The following PLXDC2 variants were observed in gnomAD, a reference collection of about 807,000 sequenced individuals.
The protein encoded by PLXDC2 is plexin domain-containing protein 2.
A neutral mutation model predicts 68.9 loss-of-function variants in PLXDC2; 40 were observed. That is an observed-to-expected ratio of 0.58 (90% CI 0.45 to 0.76). The LOEUF (loss-of-function observed/expected upper bound fraction) is 0.76. Ranked by LOEUF, PLXDC2 falls within the 30% of genes least tolerant of loss-of-function variation. The pLI is 0.00. For synonymous variants in PLXDC2, 243 were observed against 234.2 expected (o/e 1.04, Z -0.34); for missense variants, 644 against 661.9 (o/e 0.97, Z 0.30).
chr10:19,900,362 T>A (rs910515339), intron 1 of PLXDC2, among the ~76,000 whole-genome samples: 1 of 152,130 alleles, frequency 6.6e-6, no homozygotes, highest in African/African-American at 2.4e-5. Flanking sequence ...GTTCTGAACT[T>A]CTTGAAGACT....
At chr10:20,244,489 A>G (rs1358556919) in intron 12 of PLXDC2, among the ~76,000 whole-genome samples, 1 of 152,222 alleles carries the variant, frequency 6.6e-6, no homozygotes, top group Non-Finnish European at 1.5e-5. Flanking sequence ...TTAGTGATCA[A>G]AACTATTTGA....
intron 1 of PLXDC2, among the ~76,000 whole-genome samples, chr10:19,896,050 C>T (rs557184551): frequency 6.6e-6 from 1 of 152,200 alleles, no homozygotes; most frequent in Non-Finnish European, 1.5e-5. Context: ...CTTTCACTTT[C>T]CTTCACTCCA....
intron 1 of PLXDC2, among the ~76,000 whole-genome samples, chr10:19,857,835 TTTA>T (rs1173606833): frequency 3.3e-5 from 5 of 152,198 alleles, no homozygotes; most frequent in Admixed American, 2.0e-4. Flanking sequence ...ATTTACCCAA[TTTA>T]TAATGAATCA....
chr10:19,837,430 G>A (rs11011643), intron 1 of PLXDC2, among the ~76,000 whole-genome samples: 6 of 151,676 alleles, frequency 4.0e-5, no homozygotes. Context: ...GTGTGTGTGT[G>A]TGTGTGTGTG....
At chr10:20,098,587 A>G (rs1833383158) in intron 4 of PLXDC2, among the ~76,000 whole-genome samples, 1 of 152,192 alleles carries the variant, frequency 6.6e-6, no homozygotes, top group South Asian at 2.1e-4. Flanking sequence ...ATGGGAGAGC[A>G]TGGTTAGGGC....
intron 5 of PLXDC2, among the ~76,000 whole-genome samples, chr10:20,145,867 T>A (rs984632132): frequency 3.9e-5 from 6 of 152,174 alleles, no homozygotes; most frequent in African/African-American, 1.4e-4. Context: ...GTGTGGTTTT[T>A]AACAACCTGC....
intron 12 of PLXDC2, among the ~76,000 whole-genome samples, chr10:20,244,142 A>T (rs1835557116): frequency 1.3e-5 from 2 of 152,200 alleles, no homozygotes; most frequent in South Asian, 4.1e-4. Context: ...TGTACATCTT[A>T]AAAAATTATG....
At chr10:20,069,973 T>C (rs1369364603) in intron 4 of PLXDC2, among the ~76,000 whole-genome samples, 3 of 152,210 alleles carry the variant, frequency 2.0e-5, no homozygotes, top group African/African-American at 7.2e-5. Flanking sequence ...AAAGTTTTTC[T>C]TGAGGATGTC....
chr10:19,913,606 A>G (rs1014827423), intron 1 of PLXDC2, among the ~76,000 whole-genome samples: 8 of 152,124 alleles, frequency 5.3e-5, no homozygotes, highest in African/African-American at 1.9e-4. Context: ...AATTAAGTCG[A>G]AATGTAGGGT....
intron 3 of PLXDC2, among the ~76,000 whole-genome samples, chr10:20,048,974 T>C (rs1356470939): frequency 6.6e-6 from 1 of 152,154 alleles, no homozygotes; most frequent in Non-Finnish European, 1.5e-5. Flanking sequence ...CTTGAACTTC[T>C]GGTTGTAACT....
At chr10:19,854,058 C>T (rs1837169406) in intron 1 of PLXDC2, among the ~76,000 whole-genome samples, 1 of 152,110 alleles carries the variant, frequency 6.6e-6, no homozygotes, top group Non-Finnish European at 1.5e-5. Flanking sequence ...CCCTTGACCC[C>T]CCGGGGAGAC....
intron 1 of PLXDC2, among the ~76,000 whole-genome samples, chr10:19,994,298 G>C (rs989582554): frequency 3.4e-5 from 3 of 88,440 alleles, no homozygotes; most frequent in Admixed American, 1.3e-4. Flanking sequence ...CTGACTACTT[G>C]GAAACATGAT....
chr10:19,901,553 G>T (rs1316447364), intron 1 of PLXDC2, among the ~76,000 whole-genome samples: 1 of 152,064 alleles, frequency 6.6e-6, no homozygotes, highest in African/African-American at 2.4e-5. Context: ...ATTTGTTTGA[G>T]TTCTTTGTAG....
intron 4 of PLXDC2, among the ~76,000 whole-genome samples, chr10:20,071,786 G>T (rs1836319671): frequency 6.6e-6 from 1 of 152,198 alleles, no homozygotes; most frequent in South Asian, 2.1e-4. Flanking sequence ...TGCTTGTTGG[G>T]CCAGTCAATT....
chr10:20,206,849 A>AACACACACAC (rs375925753), intron 9 of PLXDC2, among the ~76,000 whole-genome samples: 26 of 149,648 alleles, frequency 1.7e-4, no homozygotes, highest in Middle Eastern at 3.5e-3. Flanking sequence ...TGTGCTTTGA[A>AACACACACAC]ACACACACAC....
intron 6 of PLXDC2, among the ~76,000 whole-genome samples, chr10:20,152,210 G>A (rs931991911): frequency 6.6e-6 from 1 of 152,044 alleles, no homozygotes; most frequent in Admixed American, 6.6e-5. Context: ...AATACATTTA[G>A]AGTTATAACA....
chr10:20,175,941 A>T (rs1446820348), intron 7 of PLXDC2, among the ~76,000 whole-genome samples: 1 of 152,204 alleles, frequency 6.6e-6, no homozygotes, highest in African/African-American at 2.4e-5. Context: ...TGCTGACAAC[A>T]TTATTTTTCC....
At chr10:20,059,573 A>C (rs1336640426) in intron 3 of PLXDC2, among the ~76,000 whole-genome samples, 1 of 152,254 alleles carries the variant, frequency 6.6e-6, no homozygotes, top group Non-Finnish European at 1.5e-5. Context: ...TGAAGAGGTT[A>C]GAACTTCTAA....
intron 4 of PLXDC2, among the ~76,000 whole-genome samples, chr10:20,134,949 G>C (rs753745086): frequency 3.9e-5 from 6 of 152,148 alleles, no homozygotes; most frequent in Non-Finnish European, 8.8e-5. Flanking sequence ...ATATTTCTCT[G>C]CACTGGGTTG....
Sources: gnomAD v4.1 joint callset for allele counts (sites outside exome capture counted in the v4.1 genomes callset) on GRCh38, gnomAD v4.1.1 for gene constraint, MANE v1.5 for transcripts, NCBI Gene and HGNC (gene_info 2026-07-23, HGNC 2026-07-21) for gene names.